Variants in TSHZ2 observed in about 807,000 individuals in gnomAD.
The protein encoded by TSHZ2 is teashirt homolog 2.
In TSHZ2, 21 loss-of-function variants were observed where a neutral mutation model predicts 74.4. That is an observed-to-expected ratio of 0.28 (90% CI 0.20 to 0.41). The LOEUF is 0.41. Ranked by LOEUF, TSHZ2 falls within the 10% of genes least tolerant of loss-of-function variation. The pLI, the probability that TSHZ2 is intolerant of heterozygous loss-of-function variation, is 1.00. For missense variants in TSHZ2, 1,244 were observed against 1,293.5 expected, an observed-to-expected ratio of 0.96 and a Z score of 0.59; for synonymous variants, 540 against 515.3, an observed-to-expected ratio of 1.05 and a Z score of -0.65.
chr20:53,066,898 G>T (rs890233240), intron 1 of TSHZ2, among the ~76,000 whole-genome samples: 4 of 152,154 alleles, frequency 2.6e-5, no homozygotes, highest in African/African-American at 9.7e-5. Flanking sequence ...CTCTTCTGAG[G>T]CAAGGGCTGC....
intron 1 of TSHZ2, among the ~76,000 whole-genome samples, chr20:53,109,529 C>T (rs536937031): frequency 3.9e-5 from 6 of 152,200 alleles, no homozygotes; most frequent in South Asian, 2.1e-4. Context: ...GACCTGAAGA[C>T]GTAGTTGCAT....
At chr20:53,377,578 G>A (rs78946688) in intron 2 of TSHZ2, among the ~76,000 whole-genome samples, 2,139 of 152,246 alleles carry the variant, frequency 0.014, 60 homozygotes, top group African/African-American at 0.049. Flanking sequence ...CAGGCCACTG[G>A]GCCGGGTATG....
At chr20:53,170,710 C>A (rs1988178467) in intron 1 of TSHZ2, among the ~76,000 whole-genome samples, 2 of 152,150 alleles carry the variant, frequency 1.3e-5, no homozygotes, top group Admixed American at 1.3e-4. Context: ...GGTTTCTAAT[C>A]ATAATGCTGA....
intron 1 of TSHZ2, among the ~76,000 whole-genome samples, chr20:53,187,749 A>G (rs190790507): frequency 1.5e-4 from 22 of 151,410 alleles, no homozygotes; most frequent in Non-Finnish European, 2.9e-4. Context: ...AAAAAAAAAA[A>G]TATGTGCTTG....
intron 1 of TSHZ2, among the ~76,000 whole-genome samples, chr20:53,085,737 A>G (rs73911307): frequency 0.012 from 1,860 of 152,360 alleles, 26 homozygotes; most frequent in African/African-American, 0.043. Flanking sequence ...TCTAGACCTC[A>G]TGATCTTAAA....
At position 53,348,235 on chromosome 20, in the gene TSHZ2, G is replaced by A. The variant is rs75528942; in HGVS notation, c.*8+91664G>A. On this transcript the variant is annotated intron_variant, in intron 2 of 2. Transcript: ENST00000371497. ...AAGCACTCTTTGCAATAGCCAAAAG[G>A]TGTCCATATGCTCATGAATGGATAA... Among the ~76,000 whole-genome samples the A allele has an allele frequency of 4.3e-3, 662 of 152,252 alleles. 6 individuals carry two copies. The highest frequency in any genetic ancestry group is 0.04 in the East Asian group (208 of 5,184).
At chr20:53,129,542 C>T (rs892778850) in intron 1 of TSHZ2, among the ~76,000 whole-genome samples, 1 of 152,126 alleles carries the variant, frequency 6.6e-6, no homozygotes, top group Non-Finnish European at 1.5e-5. Context: ...GTGGATGTAA[C>T]TATAGATAGA....
At chr20:53,120,194 G>C (rs913660690) in intron 1 of TSHZ2, among the ~76,000 whole-genome samples, 7 of 152,120 alleles carry the variant, frequency 4.6e-5, no homozygotes, top group African/African-American at 1.7e-4. Flanking sequence ...ATGAATCCGT[G>C]GATTCCAAAG....
At chr20:53,267,911 A>G (rs1990752002) in intron 2 of TSHZ2, among the ~76,000 whole-genome samples, 1 of 152,190 alleles carries the variant, frequency 6.6e-6, no homozygotes, top group South Asian at 2.1e-4. Context: ...TGGAGCTTTA[A>G]GAGCTCTAGT....
rs538675939 is a variant in TSHZ2, at chr20:53,256,663, A to G, written c.*8+92A>G. ...GCTTAGAGGCAGCTAGCATCTCCCA[A>G]TGCCAAGCAGGATAGTAGCTTGCTG... On this transcript the variant is annotated intron_variant, in intron 2 of 2. Transcript: ENST00000371497. The surrounding 1 kb of genome is among the most constrained non-coding windows in gnomAD (Gnocchi z 4.3). 7.8e-5 allele frequency: 115 copies of G among 1,477,022 alleles called. 1 individual carries two copies. In the East Asian group the frequency reaches 1.4e-3, roughly 18 times the overall value. The allele number at this position is 1,477,022 out of a possible 1,614,324, so 91.5% of individuals were successfully genotyped here. A position where few individuals can be genotyped will look rare whatever the true frequency, so the allele number is the denominator to read the frequency against.
chr20:53,465,966 T>TAAA (rs557411643), intron 2 of TSHZ2, among the ~76,000 whole-genome samples: 2,711 of 132,160 alleles, frequency 0.021, 87 homozygotes, highest in African/African-American at 0.067. Flanking sequence ...TCACAGTGGT[T>TAAA]AAAAAAAAAA....
chr20:53,103,277 G>A (rs1986270215), intron 1 of TSHZ2, among the ~76,000 whole-genome samples: 1 of 152,098 alleles, frequency 6.6e-6, no homozygotes, highest in Admixed American at 6.5e-5. Context: ...GCAAAAATGG[G>A]TATCTTTTGG....
intron 1 of TSHZ2, among the ~76,000 whole-genome samples, chr20:52,975,190 G>C (rs186024059): frequency 1.3e-4 from 20 of 152,094 alleles, no homozygotes; most frequent in Admixed American, 1.2e-3. Flanking sequence ...CCTTATTGTT[G>C]TCCCGAAAGA....
chr20:53,346,582 T>G (rs1980447540), intron 2 of TSHZ2, among the ~76,000 whole-genome samples: 1 of 152,316 alleles, frequency 6.6e-6, no homozygotes, highest in East Asian at 1.9e-4. Flanking sequence ...GAAGGAAGCT[T>G]AGGCTCCTCC....
chr20:53,232,307 C>G (rs1989843435), intron 1 of TSHZ2, among the ~76,000 whole-genome samples: 1 of 152,190 alleles, frequency 6.6e-6, no homozygotes, highest in Non-Finnish European at 1.5e-5. Context: ...TCATCTAATT[C>G]ACACGTTTAT....
intron 2 of TSHZ2, among the ~76,000 whole-genome samples, chr20:53,369,134 GCA>G: frequency 6.6e-6 from 1 of 152,074 alleles, no homozygotes; most frequent in East Asian, 1.9e-4. Flanking sequence ...GTGTGGTGGT[GCA>G]CACCTGTAGT....
At position 53,255,954 on chromosome 20, in the gene TSHZ2, C is replaced by T; in HGVS notation, c.2496C>T (p.Ser832=). ...ATGTCAGGCGCTTTGAGGATGTCTCCAGTGAAGTCTCAACTTTGCATAAAA... is the reference window on the plus strand; with the variant it reads ...ATGTCAGGCGCTTTGAGGATGTCTCTAGTGAAGTCTCAACTTTGCATAAAA... ...EMDVRRFEDV[S]SEVSTLHKRK... Residue 832 remains serine (S), a synonymous_variant, in exon 2 of 3, where the codon TCC becomes TCT. Coordinates refer to ENST00000371497, the MANE Select transcript of TSHZ2 (RefSeq NM_173485.6). This position sits in a 1 kb window ranked among gnomAD's most constrained non-coding sequence, Gnocchi z 4.1. 1.2e-6 allele frequency: 2 copies of T among 1,614,134 alleles called. No individual in the cohort carries two copies. Among genetic ancestry groups the T allele is most frequent in the Non-Finnish European group, 8.5e-7 (1 of 1,180,004 alleles).
At chr20:53,124,512 G>A (rs896782589) in intron 1 of TSHZ2, among the ~76,000 whole-genome samples, 1 of 152,232 alleles carries the variant, frequency 6.6e-6, no homozygotes, top group African/African-American at 2.4e-5. Context: ...AGCATCAGGA[G>A]GAGCTCTCTC....
At chr20:53,143,887 T>C (rs1568780731) in intron 1 of TSHZ2, among the ~76,000 whole-genome samples, 1 of 152,108 alleles carries the variant, frequency 6.6e-6, no homozygotes, top group Non-Finnish European at 1.5e-5. Context: ...CCCGGAGTTT[T>C]ATTGTTATTC....
Sources: gnomAD v4.1 joint callset for allele counts (sites outside exome capture counted in the v4.1 genomes callset) on GRCh38, gnomAD v4.1.1 for gene constraint, Gnocchi (gnomAD v3.1) non-coding constraint, MANE v1.5 for transcripts, NCBI Gene and HGNC (gene_info 2026-07-23, HGNC 2026-07-21) for gene names.